S100A8: variants seen among roughly 807,000 people sequenced by gnomAD.
S100A8 encodes protein S100-A8.
S100A8 carries 1 observed loss-of-function variant against 4.2 expected under a neutral mutation model. The observed-to-expected ratio is 0.24, with a 90% confidence interval of 0.08 to 1.12. S100A8 has a LOEUF of 1.12. S100A8 is among the 50% of genes most tolerant of loss of function. The probability of loss-of-function intolerance (pLI) is 0.53; values close to 1 mark genes in which losing one functional copy is unlikely to be tolerated. For missense variants in S100A8, 96 were observed against 111.8 expected (o/e 0.86, Z 0.64); for synonymous variants, 41 against 44.7 (o/e 0.92, Z 0.33).
chr1:153,415,057 T>G, the S100A8 span, among the ~76,000 whole-genome samples: 1 of 152,146 alleles, frequency 6.6e-6, no homozygotes. Flanking sequence ...TAATTTCACT[T>G]AAGATAATAG....
At chr1:153,402,589 G>T in the S100A8 span, among the ~76,000 whole-genome samples, 4 of 152,150 alleles carry the variant, frequency 2.6e-5, no homozygotes, top group Non-Finnish European at 5.9e-5. Context: ...CGAGGACTTT[G>T]CAAAATTTGG....
chr1:153,419,842 G>C, the S100A8 span: 1 of 154,496 alleles, frequency 6.5e-6, no homozygotes, highest in Non-Finnish European at 1.4e-5. Context: ...TGAATGGGAG[G>C]CTCAGCAGTG....
the S100A8 span, chr1:153,417,203 T>C: frequency 6.6e-6 from 1 of 152,294 alleles, no homozygotes; most frequent in South Asian, 2.1e-4. Context: ...AAATGAGAGC[T>C]GCACTGTCTT....
chr1:153,415,349 T>A, the S100A8 span, among the ~76,000 whole-genome samples: 2 of 152,148 alleles, frequency 1.3e-5, no homozygotes, highest in African/African-American at 4.8e-5. Flanking sequence ...TAGGGAGACA[T>A]CACATCAGCT....
chr1:153,408,546 A>G, the S100A8 span, among the ~76,000 whole-genome samples: 2 of 152,248 alleles, frequency 1.3e-5, no homozygotes, highest in South Asian at 4.1e-4. Context: ...AAGCTGGAAA[A>G]CAGTCTGCAG....
chr1:153,400,799 G>A, the S100A8 span, among the ~76,000 whole-genome samples: 1 of 152,076 alleles, frequency 6.6e-6, no homozygotes. Context: ...TAATTAAACA[G>A]ATATTTTAAA....
At chr1:153,418,153 A>G in the S100A8 span, 13 of 1,613,988 alleles carry the variant, frequency 8.1e-6, no homozygotes, top group Non-Finnish European at 1.1e-5. Context: ...ACCGGACGTG[A>G]TGGCAAGATT....
At chr1:153,397,078 G>A in the S100A8 span, among the ~76,000 whole-genome samples, 2 of 152,216 alleles carry the variant, frequency 1.3e-5, no homozygotes, top group East Asian at 1.9e-4. Flanking sequence ...CATCCCAGAC[G>A]ACTTCGCATC....
At chr1:153,415,213 C>G in the S100A8 span, among the ~76,000 whole-genome samples, 1 of 151,352 alleles carries the variant, frequency 6.6e-6, no homozygotes, top group South Asian at 2.1e-4. Context: ...TATCTTTTGC[C>G]GCTAAAAGTA....
At chr1:153,416,101 C>T in the S100A8 span, among the ~76,000 whole-genome samples, 631 of 152,290 alleles carry the variant, frequency 4.1e-3, 9 homozygotes, top group Admixed American at 0.032. Context: ...GACATTAAAA[C>T]GCTCAGTAAG....
chr1:153,405,963 G>A, the S100A8 span, among the ~76,000 whole-genome samples: 4 of 152,066 alleles, frequency 2.6e-5, no homozygotes, highest in Non-Finnish European at 2.9e-5. Flanking sequence ...ACTGCTGCAC[G>A]AGTCCAGAGA....
the S100A8 span, among the ~76,000 whole-genome samples, chr1:153,399,787 C>G: frequency 6.6e-6 from 1 of 152,108 alleles, no homozygotes; most frequent in African/African-American, 2.4e-5. Context: ...GATATTTCAG[C>G]TGCGACTTGA....
At chr1:153,419,386 T>C in the S100A8 span, 1 of 1,474,054 alleles carries the variant, frequency 6.8e-7, no homozygotes, top group South Asian at 1.3e-5. Flanking sequence ...GCCTTATTTC[T>C]TCTTCTCTTT....
At chr1:153,415,125 G>C in the S100A8 span, among the ~76,000 whole-genome samples, 1 of 151,956 alleles carries the variant, frequency 6.6e-6, no homozygotes. Context: ...TTATGGTTGA[G>C]TAGTATTCGT....
chr1:153,399,887 G>C, the S100A8 span, among the ~76,000 whole-genome samples: 1 of 152,210 alleles, frequency 6.6e-6, no homozygotes, highest in Non-Finnish European at 1.5e-5. Flanking sequence ...CTGTAAAAGA[G>C]CGCGGCCCCC....
the S100A8 span, among the ~76,000 whole-genome samples, chr1:153,417,708 G>C: frequency 2.6e-5 from 4 of 152,210 alleles, no homozygotes; most frequent in Admixed American, 6.5e-5. Context: ...ATTTGGTGCT[G>C]TTTCAAGAGT....
chr1:153,416,545 G>A, the S100A8 span: 80 of 489,458 alleles, frequency 1.6e-4, no homozygotes, highest in African/African-American at 4.2e-4. Flanking sequence ...CCTTCTACTC[G>A]TGACACTTCC....
chr1:153,412,662 C>G, the S100A8 span, among the ~76,000 whole-genome samples: 1 of 152,180 alleles, frequency 6.6e-6, no homozygotes, highest in African/African-American at 2.4e-5. Context: ...ATAAATCATG[C>G]TGCTATAAAG....
chr1:153,419,785 C>T, the S100A8 span: 49 of 156,906 alleles, frequency 3.1e-4, no homozygotes, highest in Non-Finnish European at 6.0e-4. Flanking sequence ...AGAAACCACT[C>T]ACATAGGGAT....
Sources: allele counts gnomAD v4.1 joint callset (sites outside exome capture counted in the v4.1 genomes callset), GRCh38; gene constraint gnomAD v4.1.1; transcripts MANE v1.5; gene names NCBI Gene and HGNC (gene_info 2026-07-23, HGNC 2026-07-21).